TBC1D5: variants seen among roughly 807,000 people sequenced by gnomAD.
The protein encoded by TBC1D5 is TBC1 domain family, member 5.
A neutral mutation model predicts 100.3 loss-of-function variants in TBC1D5; 75 were observed. That is an observed-to-expected ratio of 0.75 (90% CI 0.62 to 0.91). The LOEUF is 0.91. Among genes scored for constraint, TBC1D5 ranks in the 40% least tolerant of loss-of-function variants. TBC1D5 has a pLI of 0.00. For missense variants in TBC1D5, 910 were observed against 942.4 expected, an observed-to-expected ratio of 0.97 and a Z score of 0.45; for synonymous variants, 323 against 325.6, an observed-to-expected ratio of 0.99 and a Z score of 0.09.
intron 1 of TBC1D5, among the ~76,000 whole-genome samples, chr3:17,666,942 T>C (rs2067329361): frequency 6.6e-6 from 1 of 152,206 alleles, no homozygotes. Flanking sequence ...AACAACTGAT[T>C]AGTCTGAATT....
intron 2 of TBC1D5, among the ~76,000 whole-genome samples, chr3:17,601,891 G>A (rs1010377025): frequency 6.6e-6 from 1 of 151,856 alleles, no homozygotes; most frequent in African/African-American, 2.4e-5. Context: ...GTGCAGTGGC[G>A]CGATCTCGGC....
At chr3:17,533,750 GTTTC>G (rs66924698) in intron 2 of TBC1D5, among the ~76,000 whole-genome samples, 9,386 of 152,112 alleles carry the variant, frequency 0.062, 543 homozygotes, top group African/African-American at 0.15. Flanking sequence ...CTGGATTTGG[GTTTC>G]TTTTAGTATT....
intron 2 of TBC1D5, among the ~76,000 whole-genome samples, chr3:17,557,699 T>G (rs1390836356): frequency 1.3e-5 from 2 of 152,130 alleles, no homozygotes; most frequent in Non-Finnish European, 2.9e-5. Context: ...AACAGACACA[T>G]GCAACCATGC....
At chr3:17,394,849 G>A (rs1053027009) in intron 8 of TBC1D5, among the ~76,000 whole-genome samples, 1 of 151,940 alleles carries the variant, frequency 6.6e-6, no homozygotes, top group African/African-American at 2.4e-5. Context: ...CCTGAACAAG[G>A]TTCTGCTTTC....
chr3:17,671,998 G>C (rs140046978), intron 1 of TBC1D5, among the ~76,000 whole-genome samples: 2,415 of 152,274 alleles, frequency 0.016, 24 homozygotes, highest in Non-Finnish European at 0.027. Context: ...TTAAGTGAAA[G>C]AGTTAATAAA....
intron 18 of TBC1D5, among the ~76,000 whole-genome samples, chr3:17,206,335 T>G (rs2125885428): frequency 6.6e-6 from 1 of 152,264 alleles, no homozygotes; most frequent in East Asian, 1.9e-4. Flanking sequence ...TTTTCCCCCT[T>G]CCAATTTCAC....
At chr3:17,698,162 C>T (rs535243751) in intron 1 of TBC1D5, among the ~76,000 whole-genome samples, 15 of 152,258 alleles carry the variant, frequency 9.9e-5, no homozygotes, top group African/African-American at 3.6e-4. Flanking sequence ...GCTACAGTAA[C>T]CAAAGAAGCA....
chr3:17,528,369 T>C (rs1426544726), intron 2 of TBC1D5, among the ~76,000 whole-genome samples: 2 of 152,144 alleles, frequency 1.3e-5, no homozygotes, highest in African/African-American at 4.8e-5. Flanking sequence ...CCTTTCACCA[T>C]GTGAGGATAC....
At chr3:17,502,584 A>G (rs2095799277) in intron 3 of TBC1D5, among the ~76,000 whole-genome samples, 1 of 149,436 alleles carries the variant, frequency 6.7e-6, no homozygotes, top group Non-Finnish European at 1.5e-5. Context: ...ACCATACTTA[A>G]GCTGACAAAT....
chr3:17,417,852 T>C (rs888069343), intron 4 of TBC1D5, among the ~76,000 whole-genome samples: 2 of 150,932 alleles, frequency 1.3e-5, no homozygotes, highest in Non-Finnish European at 2.9e-5. Context: ...CTCCAGCACC[T>C]GTTGTTTGAG....
At chr3:17,409,573 C>T (rs2149072846) in intron 4 of TBC1D5, among the ~76,000 whole-genome samples, 1 of 151,958 alleles carries the variant, frequency 6.6e-6, no homozygotes, top group East Asian at 1.9e-4. Context: ...AACAGGTAGC[C>T]CAGTGGTGAA....
intron 2 of TBC1D5, among the ~76,000 whole-genome samples, chr3:17,556,738 A>G (rs1468478898): frequency 6.6e-6 from 1 of 152,218 alleles, no homozygotes; most frequent in African/African-American, 2.4e-5. Context: ...TTTACTTAGG[A>G]AAACTTTCCA....
chr3:17,550,733 A>G (rs1219335288), intron 2 of TBC1D5, among the ~76,000 whole-genome samples: 1 of 152,196 alleles, frequency 6.6e-6, no homozygotes, highest in Non-Finnish European at 1.5e-5. Flanking sequence ...GGGGCAATCT[A>G]ACTACTGTGA....
intron 12 of TBC1D5, among the ~76,000 whole-genome samples, chr3:17,372,998 T>G (rs73156319): frequency 1.3e-5 from 2 of 152,126 alleles, no homozygotes; most frequent in Non-Finnish European, 2.9e-5. Flanking sequence ...GTAATGATCA[T>G]GCAGCCACAG....
chr3:17,459,751 A>G (rs76997026), intron 3 of TBC1D5, among the ~76,000 whole-genome samples: 1 of 152,126 alleles, frequency 6.6e-6, no homozygotes, highest in East Asian at 1.9e-4. Flanking sequence ...AAAAAAAAAA[A>G]AGATTTACAG....
intron 4 of TBC1D5, among the ~76,000 whole-genome samples, chr3:17,411,159 C>G (rs1222289571): frequency 6.6e-6 from 1 of 151,908 alleles, no homozygotes; most frequent in African/African-American, 2.4e-5. Context: ...GACCCTCTAC[C>G]AGCAAAAAGA....
intron 2 of TBC1D5, among the ~76,000 whole-genome samples, chr3:17,523,090 T>A (rs560080293): frequency 3.0e-5 from 3 of 101,202 alleles, no homozygotes; most frequent in African/African-American, 6.1e-5. Flanking sequence ...GTGTTTTATG[T>A]GTATTATCCC....
At chr3:17,506,675 G>A (rs1312041181) in intron 3 of TBC1D5, among the ~76,000 whole-genome samples, 1 of 151,848 alleles carries the variant, frequency 6.6e-6, no homozygotes, top group African/African-American at 2.4e-5. Context: ...TGTTAGGCTA[G>A]GATATAAACG....
chr3:17,274,012 T>TAAAAA (rs34350746), intron 15 of TBC1D5, among the ~76,000 whole-genome samples: 2 of 139,584 alleles, frequency 1.4e-5, no homozygotes, highest in African/African-American at 2.6e-5. Flanking sequence ...TGTATTTAAT[T>TAAAAA]AAAAAAAAAA....
Sources: gnomAD v4.1 joint callset for allele counts (sites outside exome capture counted in the v4.1 genomes callset) on GRCh38, gnomAD v4.1.1 for gene constraint, MANE v1.5 for transcripts, NCBI Gene and HGNC (gene_info 2026-07-23, HGNC 2026-07-21) for gene names.